NUS1: variants seen among roughly 807,000 people sequenced by gnomAD.
The protein encoded by NUS1 is NUS1 dehydrodolichyl diphosphate synthase subunit, also known as dehydrodolichyl diphosphate synthase complex subunit NUS1.
For synonymous variants in NUS1, 135 were observed against 155.2 expected (o/e 0.87, Z 0.97); for missense variants, 292 against 382.9 (o/e 0.76, Z 1.98).
At chr6:117,682,803 C>A (rs1463813536) in intron 1 of NUS1, among the ~76,000 whole-genome samples, 1 of 152,142 alleles carries the variant, frequency 6.6e-6, no homozygotes, top group African/African-American at 2.4e-5. Flanking sequence ...TTGTGCTTAA[C>A]CGTTACATTA....
intron 1 of NUS1, 61 bp downstream of exon 1, chr6:117,676,146 C>T (rs1772976691): frequency 3.9e-6 from 6 of 1,547,604 alleles, no homozygotes; most frequent in Middle Eastern, 2.2e-4. Flanking sequence ...GACCGCTGGT[C>T]TGGCGGGTGG....
In NUS1 at chr6:117,708,443, T is replaced by C. The variant is rs1773530784; in HGVS notation, c.*1428T>C. Reference sequence around the variant, plus strand: ...ACTAGATCTCAGAAGTTTTGAAAAATAGCAAAGAAGACTGGATTTGGAAAG... The same window carrying C: ...ACTAGATCTCAGAAGTTTTGAAAAACAGCAAAGAAGACTGGATTTGGAAAG... On this transcript the variant is annotated 3_prime_UTR_variant, in exon 5 of 5. Coordinates refer to ENST00000368494, the MANE Select transcript of NUS1 (RefSeq NM_138459.5). 6.6e-6 allele frequency: 1 copy of C among 152,192 alleles called. No homozygotes were observed. Among genetic ancestry groups the C allele is most frequent in the Non-Finnish European group, 1.5e-5 (1 of 67,918 alleles). 9.4% of individuals were successfully genotyped at this position (152,192 alleles called of 1,614,324 possible).
At chr6:117,684,238 A>G (rs1235517156) in intron 1 of NUS1, among the ~76,000 whole-genome samples, 2 of 152,166 alleles carry the variant, frequency 1.3e-5, no homozygotes, top group Non-Finnish European at 2.9e-5. Flanking sequence ...CCCCAATCCC[A>G]TGGATTTAAA....
At chr6:117,682,756 G>C (rs572887278) in intron 1 of NUS1, among the ~76,000 whole-genome samples, 1 of 152,166 alleles carries the variant, frequency 6.6e-6, no homozygotes, top group African/African-American at 2.4e-5. Context: ...GTAAGGAGCA[G>C]ATCTAGAATT....
rs1435618928 is a variant in NUS1, at chr6:117,708,827, TATG to T, written c.*1813_*1815del. 6.6e-6 allele frequency: 1 copy of T among 152,068 alleles called. No individual in the cohort carries two copies. The highest frequency in any genetic ancestry group is 1.5e-5 in the Non-Finnish European group (1 of 67,916). 9.4% of individuals were successfully genotyped at this position (152,068 alleles called of 1,614,324 possible). ...TAAATGTCTTATAAACATTCTGGAG[TATG>T]TATAGCTTTAATGAATGAAATTTAA... is the stretch of plus-strand genomic sequence containing the variant. On this transcript the variant is annotated 3_prime_UTR_variant, in exon 5 of 5. Transcript: ENST00000368494.
chr6:117,700,472 G>T (rs1372050170), intron 3 of NUS1, among the ~76,000 whole-genome samples: 1 of 152,068 alleles, frequency 6.6e-6, no homozygotes, highest in Non-Finnish European at 1.5e-5. Flanking sequence ...TTCTAAACAG[G>T]TAATAACAAA....
rs1772969284 is a variant in NUS1, at chr6:117,675,883, C to G, written c.213C>G (p.His71Gln). ...AVGRNRRHHRHPRGGSCLAAA... is the reference protein window; with the variant it reads ...AVGRNRRHHRQPRGGSCLAAA... Reference sequence around the variant, plus strand: ...GCAGGAACCGCCGTCACCACCGGCACCCGCGCGGGGGGTCGTGCCTGGCAG... The same window carrying G: ...GCAGGAACCGCCGTCACCACCGGCAGCCGCGCGGGGGGTCGTGCCTGGCAG... The change falls in exon 1 of 5, where the codon CAC (histidine) becomes CAG (glutamine). Residue 71 changes from histidine (H) to glutamine (Q), a missense_variant. Coordinates refer to ENST00000368494, the MANE Select transcript of NUS1 (RefSeq NM_138459.5). 2.0e-6 allele frequency: 3 copies of G among 1,534,480 alleles called. No individual in the cohort carries two copies. Among genetic ancestry groups the G allele is most frequent in the Non-Finnish European group, 2.6e-6 (3 of 1,139,754 alleles).
Position 117,684,447 on chromosome 6 carries a change from A to G in NUS1, c.415+8362A>G, listed in dbSNP as rs1484759889. On this transcript the variant is annotated intron_variant, in intron 1 of 4. Transcript: ENST00000368494. Reference sequence around the variant, plus strand: ...TGCAGCCATCCAAGTTTAAATTACCATTGTTCTTTCACCTGGATTACTGTA... The same window carrying G: ...TGCAGCCATCCAAGTTTAAATTACCGTTGTTCTTTCACCTGGATTACTGTA... 4.6e-5 allele frequency among the ~76,000 whole-genome samples: 7 copies of G among 152,172 alleles called. No homozygotes were observed. In the East Asian group the frequency reaches 5.8e-4, roughly 13 times the overall value.
At chr6:117,689,435 CTATTAAAATGAATAAATCT>C (rs1199923329) in intron 1 of NUS1, among the ~76,000 whole-genome samples, 1 of 152,132 alleles carries the variant, frequency 6.6e-6, no homozygotes, top group African/African-American at 2.4e-5. Context: ...TTACCCGACA[CTATTAAAATGAATAAATCT>C]TAGTTTTTAT....
chr6:117,696,230 C>G (rs570108733), intron 3 of NUS1, among the ~76,000 whole-genome samples: 10 of 151,874 alleles, frequency 6.6e-5, no homozygotes, highest in Non-Finnish European at 1.5e-4. Context: ...TTTACAAATA[C>G]AGAGAGGAGA....
At chr6:117,701,913 C>T (rs1328853287) in intron 3 of NUS1, among the ~76,000 whole-genome samples, 1 of 152,004 alleles carries the variant, frequency 6.6e-6, no homozygotes, top group Non-Finnish European at 1.5e-5. Context: ...CCAATGATTT[C>T]CACATTGGTT....
At chr6:117,692,919 G>A in intron 1 of NUS1, 123 bp from the exon 2 acceptor site, 1 of 757,254 alleles carries the variant, frequency 1.3e-6, no homozygotes, top group Non-Finnish European at 2.2e-6. Context: ...TTTAGGACTA[G>A]TCATTACAGC....
At chr6:117,685,179 G>A (rs1475898372) in intron 1 of NUS1, among the ~76,000 whole-genome samples, 2 of 152,166 alleles carry the variant, frequency 1.3e-5, no homozygotes, top group Non-Finnish European at 2.9e-5. Context: ...AATAACAAAA[G>A]CATGGTAGTC....
rs761687791 is a variant in NUS1, at chr6:117,694,192, T to G, written c.691+12T>G. ...AGCCAGTTTACTTAGTAAGTTTTTTTATATATATATACATATATATGTATA... is the reference window on the plus strand; with the variant it reads ...AGCCAGTTTACTTAGTAAGTTTTTTGATATATATATACATATATATGTATA... On this transcript the variant is annotated intron_variant, in intron 3 of 4. Transcript: ENST00000368494. 23 of 1,437,164 alleles carry G rather than the reference T, an allele frequency of 1.6e-5. No homozygotes were observed. The East Asian group carries it at 5.1e-4, about 32-fold the overall frequency. The allele number at this position is 1,437,164 out of a possible 1,614,324, so 89.0% of individuals were successfully genotyped here. A position where few individuals can be genotyped will look rare whatever the true frequency, so the allele number is the denominator to read the frequency against.
At chr6:117,704,933 C>T (rs948429137) in intron 4 of NUS1, among the ~76,000 whole-genome samples, 1 of 152,074 alleles carries the variant, frequency 6.6e-6, no homozygotes, top group Non-Finnish European at 1.5e-5. Flanking sequence ...AGTGAGAAGT[C>T]AAGGCTAAAG....
rs199562088 is a variant in NUS1 at position 117,707,170 on chromosome 6, A to AGT, written c.*167_*168dup. ...CAAAAAAGTGTCTTACTTGAGAGTG[A>AGT]GTGTGTGTGTGTGCGTGTGCACGTG... On this transcript the variant is annotated 3_prime_UTR_variant, in exon 5 of 5. Transcript: ENST00000368494. 157 of 662,266 alleles carry AGT rather than the reference A, an allele frequency of 2.4e-4. No individual in the cohort carries two copies. Among genetic ancestry groups the AGT allele is most frequent in the Middle Eastern group, 4.2e-4 (1 of 2,354 alleles). The allele number at this position is 662,266 out of a possible 1,614,324, so 41.0% of individuals were successfully genotyped here.
chr6:117,699,673 C>A (rs1254430801), intron 3 of NUS1, among the ~76,000 whole-genome samples: 1 of 152,078 alleles, frequency 6.6e-6, no homozygotes, highest in African/African-American at 2.4e-5. Context: ...TATGGAATCA[C>A]AAAAAGACCC....
intron 4 of NUS1, among the ~76,000 whole-genome samples, chr6:117,706,691 A>G (rs1773505708): frequency 3.3e-5 from 5 of 152,024 alleles, no homozygotes; most frequent in Non-Finnish European, 7.4e-5. Context: ...GAGTGCCACT[A>G]CCCCTCGGTG....
At chr6:117,701,733 TC>T (rs1479928216) in intron 3 of NUS1, among the ~76,000 whole-genome samples, 2 of 152,162 alleles carry the variant, frequency 1.3e-5, no homozygotes, top group Non-Finnish European at 2.9e-5. Context: ...CCTGCAACCT[TC>T]CTAAGATACA....
Sources: allele counts gnomAD v4.1 joint callset (sites outside exome capture counted in the v4.1 genomes callset), GRCh38; gene constraint gnomAD v4.1.1; transcripts MANE v1.5; gene names NCBI Gene and HGNC (gene_info 2026-07-23, HGNC 2026-07-21).